Variants in PCCB observed in about 807,000 individuals in gnomAD.
PCCB encodes propionyl-CoA carboxylase subunit beta.
PCCB carries 43 observed loss-of-function variants against 60.7 expected under a neutral mutation model. The observed-to-expected ratio is 0.71, with a 90% CI of 0.55 to 0.91. The LOEUF (loss-of-function observed/expected upper bound fraction) is 0.91. PCCB is among the 40% of genes least tolerant of loss of function. The pLI is 0.00. For missense variants in PCCB, 766 were observed against 702.8 expected (o/e 1.09, Z -1.02); for synonymous variants, 276 against 255.9 (o/e 1.08, Z -0.75).
In PCCB at chr3:136,327,266, C is replaced by T; in HGVS notation, c.1299+11C>T. ...GTCATCACCAGGAAGGTGAGGACCTCATGTTGGAGGCCATGACCCTGCTCA... is the reference window on the plus strand; with the variant it reads ...GTCATCACCAGGAAGGTGAGGACCTTATGTTGGAGGCCATGACCCTGCTCA... On this transcript the variant is annotated intron_variant, in intron 12 of 14. Transcript: ENST00000251654. 6.3e-7 allele frequency: 1 copy of T among 1,597,868 alleles called. No individual in the cohort carries two copies. The highest frequency in any genetic ancestry group is 8.6e-7 in the Non-Finnish European group (1 of 1,165,112).
chr3:136,311,393 C>T (rs1310453803), intron 9 of PCCB, among the ~76,000 whole-genome samples: 6 of 152,066 alleles, frequency 3.9e-5, no homozygotes, highest in African/African-American at 1.4e-4. Flanking sequence ...ACTCTGTCAC[C>T]CAGGATGGAG....
intron 9 of PCCB, among the ~76,000 whole-genome samples, chr3:136,303,516 T>C (rs1171253540): frequency 8.1e-6 from 1 of 122,778 alleles, no homozygotes; most frequent in African/African-American, 2.5e-5. Flanking sequence ...TGCATTGATA[T>C]TATGTGATAC....
At chr3:136,290,741 T>C (rs533859101) in intron 6 of PCCB, among the ~76,000 whole-genome samples, 19 of 145,938 alleles carry the variant, frequency 1.3e-4, no homozygotes, top group Non-Finnish European at 2.1e-4. Context: ...TGGTTTGGTG[T>C]CTGACAATTT....
Position 136,277,411 on chromosome 3 carries a change from C to T in PCCB, c.544-6426C>T, listed in dbSNP as rs146795174. Reference sequence around the variant, plus strand: ...CAGCTGCAGTAGTAGCAGTGGGATTCGAGCTTGTCCTGTGTTGCCCAGGAG... The same window carrying T: ...CAGCTGCAGTAGTAGCAGTGGGATTTGAGCTTGTCCTGTGTTGCCCAGGAG... On this transcript the variant is annotated intron_variant, in intron 5 of 14. Transcript: ENST00000251654. Among the ~76,000 whole-genome samples the T allele has an allele frequency of 3.9e-5, 6 of 152,194 alleles. No individual in the cohort carries two copies. In the East Asian group the frequency reaches 7.7e-4, roughly 20 times the overall value.
At chr3:136,280,194 G>A (rs1370033623) in intron 5 of PCCB, among the ~76,000 whole-genome samples, 2 of 152,078 alleles carry the variant, frequency 1.3e-5, no homozygotes, top group Non-Finnish European at 2.9e-5. Flanking sequence ...TCAGACTAAA[G>A]GACTCCCTGT....
intron 5 of PCCB, among the ~76,000 whole-genome samples, chr3:136,265,410 A>G (rs1941959565): frequency 1.3e-5 from 2 of 152,032 alleles, no homozygotes; most frequent in Non-Finnish European, 2.9e-5. Context: ...TTATTTTACA[A>G]ATTTTTCCAT....
At position 136,327,663 on chromosome 3, in the gene PCCB, C is replaced by T; in HGVS notation, c.1329C>T (p.Ser443=). The T allele has an allele frequency of 6.2e-7, 1 of 1,613,900 alleles. No homozygotes were observed. Among genetic ancestry groups the T allele is most frequent in the South Asian group, 1.1e-5 (1 of 91,078 alleles). The part of the protein sequence containing the change: ...KAYGGAYDVM[S]SKHLCGDTNY... ...ATGGAGGTGCCTATGATGTCATGAG[C>T]TCTAAGCACCTTTGTGGTGATACCA... Residue 443 remains serine (S), a synonymous_variant, in exon 13 of 15, where the codon AGC becomes AGT. Coordinates refer to ENST00000251654, the MANE Select transcript of PCCB (RefSeq NM_000532.5).
At chr3:136,250,602 C>G (rs771580881) in intron 1 of PCCB, 44 bp downstream of exon 1, 2 of 1,563,028 alleles carry the variant, frequency 1.3e-6, no homozygotes, top group Non-Finnish European at 8.7e-7. Flanking sequence ...CTGGCGTCCG[C>G]GACCTATCAC....
chr3:136,272,317 TTTTCTTTTTTTAA>T (rs1942223787), intron 5 of PCCB, among the ~76,000 whole-genome samples: 1 of 152,118 alleles, frequency 6.6e-6, no homozygotes, highest in South Asian at 2.1e-4. Context: ...TGGTCTGTAG[TTTTCTTTTTTTAA>T]TGTCATTTCC....
At chr3:136,277,215 G>A (rs1002937808) in intron 5 of PCCB, among the ~76,000 whole-genome samples, 1 of 152,192 alleles carries the variant, frequency 6.6e-6, no homozygotes, top group Admixed American at 6.5e-5. Flanking sequence ...AACTGGTCAC[G>A]TGGACAGATG....
chr3:136,311,467 G>T (rs1051642447), intron 9 of PCCB, among the ~76,000 whole-genome samples: 1 of 151,842 alleles, frequency 6.6e-6, no homozygotes, highest in African/African-American at 2.4e-5. Flanking sequence ...CTCCCACATT[G>T]CCAGGACTAC....
At chr3:136,316,176 C>T (rs2108225652) in intron 9 of PCCB, among the ~76,000 whole-genome samples, 1 of 150,520 alleles carries the variant, frequency 6.6e-6, no homozygotes, top group African/African-American at 2.4e-5. Flanking sequence ...GCCATAATTG[C>T]ACCACTGCAT....
intron 9 of PCCB, among the ~76,000 whole-genome samples, chr3:136,307,969 C>G (rs1037083689): frequency 7.1e-6 from 1 of 140,658 alleles, no homozygotes; most frequent in Non-Finnish European, 1.6e-5. Flanking sequence ...GAGTGAAACT[C>G]CATCTCAAAA....
intron 6 of PCCB, among the ~76,000 whole-genome samples, chr3:136,292,922 A>G (rs1031273729): frequency 3.9e-5 from 6 of 152,196 alleles, no homozygotes; most frequent in Admixed American, 3.9e-4. Flanking sequence ...CTCTGTTTAA[A>G]TTTTATGCAG....
chr3:136,327,387 A>G, intron 12 of PCCB, 132 bp downstream of exon 12: 1 of 779,180 alleles, frequency 1.3e-6, no homozygotes, highest in Non-Finnish European at 2.2e-6. Flanking sequence ...TCTCTTGAGG[A>G]TGTTGTTCCC....
intron 7 of PCCB, among the ~76,000 whole-genome samples, chr3:136,295,834 G>GTT (rs777323234): frequency 1.2e-4 from 17 of 138,828 alleles, no homozygotes; most frequent in Non-Finnish European, 1.4e-4. Flanking sequence ...TGTAACCTGA[G>GTT]TTTTTTTTTT....
chr3:136,324,792 A>G (rs1190316035), intron 10 of PCCB, among the ~76,000 whole-genome samples: 1 of 152,236 alleles, frequency 6.6e-6, no homozygotes, highest in Non-Finnish European at 1.5e-5. Flanking sequence ...AGGTTAGAGC[A>G]GACATATGCG....
At chr3:136,286,250 A>T (rs1933399786) in intron 6 of PCCB, among the ~76,000 whole-genome samples, 1 of 152,216 alleles carries the variant, frequency 6.6e-6, no homozygotes, top group African/African-American at 2.4e-5. Flanking sequence ...TTGCTGCATC[A>T]CTAAATCCAG....
rs75037619 is a variant in PCCB at position 136,281,774 on chromosome 3, G to A, written c.544-2063G>A. On this transcript the variant is annotated intron_variant, in intron 5 of 14. Transcript: ENST00000251654. ...GTTCTCCTACTTTTCAGGAATAGCC[G>A]ATTTTTGCTTGTCAACTGCTGGGTC... 8.0e-3 allele frequency among the ~76,000 whole-genome samples: 1,215 copies of A among 152,206 alleles called. 19 individuals carry two copies. Among genetic ancestry groups the A allele is most frequent in the African/African-American group, 0.028 (1,149 of 41,520 alleles).
Sources: gnomAD v4.1 joint callset for allele counts (sites outside exome capture counted in the v4.1 genomes callset) on GRCh38, gnomAD v4.1.1 for gene constraint, MANE v1.5 for transcripts, NCBI Gene and HGNC (gene_info 2026-07-23, HGNC 2026-07-21) for gene names.